The following GRM8 variants were observed in gnomAD, a reference collection of about 807,000 sequenced individuals.
GRM8 encodes metabotropic glutamate receptor 8.
A neutral mutation model predicts 87.2 loss-of-function variants in GRM8; 47 were observed. The ratio of observed to expected loss-of-function variants is 0.54; its 90% CI spans 0.43 to 0.69. GRM8 has a LOEUF of 0.69. GRM8 is among the 30% of genes least tolerant of loss of function. The probability of loss-of-function intolerance (pLI) is 0.00; values close to 1 mark genes in which losing one functional copy is unlikely to be tolerated. For synonymous variants in GRM8, 396 were observed against 404.5 expected (o/e 0.98, Z 0.25); for missense variants, 1,019 against 1,139.2 (o/e 0.89, Z 1.52).
intron 8 of GRM8, among the ~76,000 whole-genome samples, chr7:126,591,236 C>G (rs185852761): frequency 2.6e-4 from 40 of 152,096 alleles, no homozygotes; most frequent in Admixed American, 1.4e-3. Context: ...ATTCTTACAT[C>G]AGACAAAACA....
In GRM8 at chr7:127,232,183, T is replaced by TTGTGTGTGTGTGTGTGTGTGTGTG. The variant is rs71529431; in HGVS notation, c.510+10488_510+10511dup. ...ACCTGCCATCAGTTCTGTTTCTTCT[T>TTGTGTGTGTGTGTGTGTGTGTGTG]TGTGTGTGTGTGTGTGTGTGTGTGT... is the stretch of plus-strand genomic sequence containing the variant. On this transcript the variant is annotated intron_variant, in intron 2 of 10. Coordinates refer to ENST00000339582, the MANE Select transcript of GRM8 (RefSeq NM_000845.3). 9.9e-4 allele frequency among the ~76,000 whole-genome samples: 129 copies of TTGTGTGTGTGTGTGTGTGTGTGTG among 129,774 alleles called. 1 individual carries two copies. The highest frequency in any genetic ancestry group is 3.5e-3 in the South Asian group (14 of 3,970). 85.1% of individuals were successfully genotyped at this position (129,774 alleles called of 152,430 possible).
At chr7:126,958,354 C>T (rs1255246746) in intron 3 of GRM8, among the ~76,000 whole-genome samples, 1 of 152,194 alleles carries the variant, frequency 6.6e-6, no homozygotes, top group Non-Finnish European at 1.5e-5. Context: ...CTCCCTGAGC[C>T]AGGGGCTCTG....
At chr7:126,481,585 G>C (rs2150595369) in intron 9 of GRM8, among the ~76,000 whole-genome samples, 1 of 152,052 alleles carries the variant, frequency 6.6e-6, no homozygotes, top group East Asian at 1.9e-4. Flanking sequence ...CAAGAGAAAA[G>C]TGAGGGGTAC....
intron 7 of GRM8, among the ~76,000 whole-genome samples, chr7:126,737,377 C>G (rs939851055): frequency 1.3e-5 from 2 of 152,034 alleles, no homozygotes; most frequent in Non-Finnish European, 2.9e-5. Context: ...GCACTTCCAA[C>G]TTACTGGCAC....
At chr7:126,908,585 T>C (rs1399762049) in intron 3 of GRM8, among the ~76,000 whole-genome samples, 1 of 152,206 alleles carries the variant, frequency 6.6e-6, no homozygotes, top group Non-Finnish European at 1.5e-5. Context: ...TCTGAAAATT[T>C]TTATTATTAC....
intron 2 of GRM8, among the ~76,000 whole-genome samples, chr7:127,193,683 T>A (rs368505396): frequency 2.6e-5 from 4 of 152,214 alleles, no homozygotes; most frequent in South Asian, 4.1e-4. Context: ...ATCCTAATAA[T>A]CACCTTCTCA....
intron 3 of GRM8, among the ~76,000 whole-genome samples, chr7:126,931,972 A>G (rs1563328500): frequency 6.6e-6 from 1 of 152,158 alleles, no homozygotes; most frequent in Non-Finnish European, 1.5e-5. Context: ...TCATTTTTCT[A>G]CTTACTATGC....
At chr7:126,614,141 T>C (rs1799204194) in intron 7 of GRM8, among the ~76,000 whole-genome samples, 1 of 152,124 alleles carries the variant, frequency 6.6e-6, no homozygotes, top group Non-Finnish European at 1.5e-5. Context: ...AGGGGCAGAC[T>C]AACACCTCAC....
At chr7:127,027,008 TG>T (rs915270997) in intron 3 of GRM8, among the ~76,000 whole-genome samples, 14 of 152,222 alleles carry the variant, frequency 9.2e-5, no homozygotes, top group Non-Finnish European at 1.9e-4. Flanking sequence ...AATTAATTTT[TG>T]TATAAGGTAT....
intron 9 of GRM8, among the ~76,000 whole-genome samples, chr7:126,466,117 T>C (rs907126082): frequency 5.9e-5 from 9 of 151,980 alleles, no homozygotes; most frequent in African/African-American, 2.2e-4. Context: ...TGTCTTTTAT[T>C]AAAATCTTGT....
intron 7 of GRM8, among the ~76,000 whole-genome samples, chr7:126,735,403 C>T (rs148497580): frequency 4.9e-4 from 74 of 152,082 alleles, no homozygotes; most frequent in African/African-American, 1.7e-3. Context: ...ATTAAGTTCA[C>T]CACTGATGTA....
At chr7:126,541,403 T>C (rs534175717) in intron 8 of GRM8, among the ~76,000 whole-genome samples, 124 of 152,022 alleles carry the variant, frequency 8.2e-4, no homozygotes, top group African/African-American at 2.9e-3. Flanking sequence ...GTGGATGGAG[T>C]AGCAAGAAAC....
intron 8 of GRM8, among the ~76,000 whole-genome samples, chr7:126,584,272 C>T (rs1276448994): frequency 6.6e-6 from 1 of 151,324 alleles, no homozygotes; most frequent in Non-Finnish European, 1.5e-5. Context: ...ATAACCCAGG[C>T]TGGAGTGCAG....
rs186174549 is a variant in GRM8, at chr7:127,134,183, T to C, written c.511-27471A>G. ...CTATGATTATAATTTCATGTTATTA[T>C]CATATACTCTATCAGGCACTCTATT... On this transcript the variant is annotated intron_variant, in intron 2 of 10. Transcript: ENST00000339582. Among the ~76,000 whole-genome samples, 13 of 152,344 alleles carry C rather than the reference T, an allele frequency of 8.5e-5. No individual in the cohort carries two copies. The East Asian group carries it at 2.1e-3, about 25-fold the overall frequency.
intron 7 of GRM8, among the ~76,000 whole-genome samples, chr7:126,691,997 C>G (rs1481289124): frequency 6.6e-6 from 1 of 152,124 alleles, no homozygotes; most frequent in East Asian, 1.9e-4. Context: ...GTATGGAGTT[C>G]TTTCTCAATG....
At chr7:126,467,262 G>A (rs922228836) in intron 9 of GRM8, among the ~76,000 whole-genome samples, 23 of 151,406 alleles carry the variant, frequency 1.5e-4, no homozygotes, top group African/African-American at 5.1e-4. Context: ...TTCTGTTCCT[G>A]TGTTAGTTTA....
At chr7:126,886,579 A>AT (rs1210656865) in intron 6 of GRM8, among the ~76,000 whole-genome samples, 14 of 152,164 alleles carry the variant, frequency 9.2e-5, no homozygotes. Flanking sequence ...AACAGGCTTC[A>AT]TTAATTTCTG....
chr7:127,064,154 T>C (rs10271115), intron 3 of GRM8, among the ~76,000 whole-genome samples: 12,489 of 152,276 alleles, frequency 0.082, 572 homozygotes, highest in South Asian at 0.13. Context: ...TGGTCCAATG[T>C]TGAGTTTAGG....
chr7:126,528,090 G>T (rs1212440743), intron 9 of GRM8, among the ~76,000 whole-genome samples: 1 of 152,138 alleles, frequency 6.6e-6, no homozygotes, highest in African/African-American at 2.4e-5. Flanking sequence ...TGTAGTCCCA[G>T]TTACTTGGGA....
Sources: gnomAD v4.1 joint callset for allele counts (sites outside exome capture counted in the v4.1 genomes callset) on GRCh38, gnomAD v4.1.1 for gene constraint, MANE v1.5 for transcripts, NCBI Gene and HGNC (gene_info 2026-07-23, HGNC 2026-07-21) for gene names.